Variants in TCTN3 observed in about 807,000 individuals in gnomAD.
TCTN3 encodes tectonic-3.
TCTN3 carries 57 observed loss-of-function variants against 71.3 expected under a neutral mutation model. That is an observed-to-expected ratio of 0.80 (90% CI 0.65 to 1.00). The LOEUF is 1.00. TCTN3 is among the 50% of genes least tolerant of loss of function. The pLI is 0.00. For synonymous variants in TCTN3, 258 were observed against 267.8 expected, an observed-to-expected ratio of 0.96 and a Z score of 0.36; for missense variants, 696 against 719.9, an observed-to-expected ratio of 0.97 and a Z score of 0.38.
chr10:95,677,483 G>GTTTTTTTTTTTT (rs1223582407), intron 13 of TCTN3, among the ~76,000 whole-genome samples: 7 of 62,014 alleles, frequency 1.1e-4, no homozygotes, highest in East Asian at 2.6e-4. Context: ...AGTTTTTTTT[G>GTTTTTTTTTTTT]TTTTTTTTTT....
At position 95,687,116 on chromosome 10, in the gene TCTN3, C is replaced by G. The variant is rs757700628; in HGVS notation, c.780G>C (p.Lys260Asn). ...SKSTTCTRFF[K>N]NLASSCTLDS... ...CCAAGGTACAGCTACTAGCCAGGTT[C>G]TTGAAAAAACGAGTGCAAGTTGTAC... is the stretch of plus-strand genomic sequence containing the variant. The change falls in exon 6 of 14, where the codon AAG becomes AAC. Residue 260 changes from lysine (K) to asparagine (N), a missense_variant. Lys to Asn is a moderately conservative substitution (Grantham distance 94, BLOSUM62 0). Coordinates refer to ENST00000371217, the MANE Select transcript of TCTN3 (RefSeq NM_015631.6). 2.4e-5 allele frequency: 39 copies of G among 1,613,960 alleles called. No homozygotes were observed. The South Asian group carries it at 4.0e-4, about 16-fold the overall frequency.
chr10:95,686,410 A>C, intron 7 of TCTN3, 85 bp downstream of exon 7: 1 of 1,385,282 alleles, frequency 7.2e-7, no homozygotes, highest in Non-Finnish European at 1.0e-6. Context: ...TTTATCTTTC[A>C]ACAGTACAAC....
In TCTN3 at chr10:95,687,085, C is replaced by T. The variant is rs2097949049; in HGVS notation, c.811G>A (p.Ala271Thr). The change falls in exon 6 of 14, where the codon GCC (alanine) becomes ACC (threonine). Residue 271 changes from alanine to threonine, a missense_variant. Physicochemically the swap from Ala to Thr is moderately conservative, Grantham distance 58. Transcript: ENST00000371217. ...TTATAGTAAGAGGCAGCATTGAGGG[C>T]TGAATCCAAGGTACAGCTACTAGCC... ...NLASSCTLDS[A>T]LNAASYYNFT... The T allele has an allele frequency of 1.9e-6, 3 of 1,614,068 alleles. No homozygotes were observed. Among genetic ancestry groups the T allele is most frequent in the Non-Finnish European group, 2.5e-6 (3 of 1,180,038 alleles).
At chr10:95,675,871 T>C (rs187581287) in intron 13 of TCTN3, among the ~76,000 whole-genome samples, 144 of 152,372 alleles carry the variant, frequency 9.5e-4, no homozygotes, top group Non-Finnish European at 1.6e-3. Flanking sequence ...TACAAGATTG[T>C]GGCAGAGGTT....
chr10:95,682,197 A>G (rs1023070932), intron 12 of TCTN3, among the ~76,000 whole-genome samples: 6 of 141,600 alleles, frequency 4.2e-5, no homozygotes, highest in East Asian at 2.0e-4. Context: ...CTTGACTTAG[A>G]AAAAAAAAAA....
At chr10:95,683,763 T>C (rs1589615180) in intron 9 of TCTN3, 134 bp from the exon 10 acceptor site, 1 of 643,036 alleles carries the variant, frequency 1.6e-6, no homozygotes, top group East Asian at 2.8e-5. Context: ...TCTGGCTTCT[T>C]TCCACAGTGT....
In TCTN3 at chr10:95,685,764, G is replaced by T. The variant is rs2097947699; in HGVS notation, c.889-128C>A. ...ACCACCCTCTCTCTCTCTTCTTCCA[G>T]TGCCAGCCAACAACTTAAATTCAAG... On this transcript the variant is annotated intron_variant, in intron 7 of 13. Transcript: ENST00000371217. 19 of 666,586 alleles carry T rather than the reference G, an allele frequency of 2.9e-5. 3 individuals carry two copies. In the South Asian group the frequency reaches 3.6e-4, roughly 13 times the overall value. The allele number at this position is 666,586 out of a possible 1,614,324, so 41.3% of individuals were successfully genotyped here. A position where few individuals can be genotyped will look rare whatever the true frequency, so the allele number is the denominator to read the frequency against.
In TCTN3 at chr10:95,680,589, G is replaced by A. The variant is rs558867321; in HGVS notation, c.1473C>T (p.Cys491=). ...TCTCCAGGGAAACTGGTATGAGACA[G>A]CAGGAAGTACAGTTTATAGCCTGCA... is the stretch of plus-strand genomic sequence containing the variant. The part of the protein sequence containing the change: ...CSISAINCTS[C]CLIPVSLEIQ... The change falls in exon 13 of 14, where the codon TGC becomes TGT. Residue 491 remains cysteine, a synonymous_variant. Coordinates refer to ENST00000371217, the MANE Select transcript of TCTN3 (RefSeq NM_015631.6). 2.2e-5 allele frequency: 35 copies of A among 1,614,012 alleles called. No homozygotes were observed. The South Asian group carries it at 3.5e-4, about 16-fold the overall frequency.
At chr10:95,666,325 A>G (rs1566063681) in intron 13 of TCTN3, among the ~76,000 whole-genome samples, 1 of 151,774 alleles carries the variant, frequency 6.6e-6, no homozygotes, top group Non-Finnish European at 1.5e-5. Flanking sequence ...AAAGAACCAC[A>G]TACATTACAA....
intron 13 of TCTN3, among the ~76,000 whole-genome samples, chr10:95,667,998 A>G (rs1192714845): frequency 6.6e-6 from 1 of 152,226 alleles, no homozygotes; most frequent in African/African-American, 2.4e-5. Flanking sequence ...GAGGAAACAC[A>G]GACAATGAAA....
Position 95,685,549 on chromosome 10 carries a change from T to C in TCTN3, c.969+7A>G, listed in dbSNP as rs1171121774. The C allele has an allele frequency of 3.2e-6, 5 of 1,548,864 alleles. No homozygotes were observed. The highest frequency in any genetic ancestry group is 4.4e-6 in the Non-Finnish European group (5 of 1,144,714). On this transcript the variant is annotated splice_region_variant and intron_variant, in intron 8 of 13. Coordinates refer to ENST00000371217, the MANE Select transcript of TCTN3 (RefSeq NM_015631.6). ...ATCAGTCCAGAATCTGAGGTCAGTA[T>C]CCCTACCTGAGAAACTACATTCTGA...
intron 13 of TCTN3, among the ~76,000 whole-genome samples, chr10:95,673,547 AG>A (rs2097933806): frequency 6.6e-6 from 1 of 152,142 alleles, no homozygotes; most frequent in Non-Finnish European, 1.5e-5. Flanking sequence ...TTAAAAAAAA[AG>A]AAACTTTTTT....
chr10:95,693,717 A>G lies in TCTN3; in HGVS notation c.183T>C (p.Pro61=). The stretch of plus-strand genomic sequence containing the variant: ...GAGTAGGGACCACTGTAGGGAGTCC[A>G]GGCACGGCCGGGCGAGTTGCAGTCG... The part of the protein sequence containing the change: ...SEATATRPAV[P]GLPTVVPTLV... Residue 61 remains proline, a synonymous_variant, in exon 1 of 14, where the codon CCT becomes CCC. Transcript: ENST00000371217. 1 of 1,551,702 alleles carries G rather than the reference A, an allele frequency of 6.4e-7. No individual in the cohort carries two copies. Among genetic ancestry groups the G allele is most frequent in the Non-Finnish European group, 8.7e-7 (1 of 1,146,986 alleles).
At chr10:95,686,976 C>CA in intron 6 of TCTN3, 68 bp downstream of exon 6, 2 of 1,378,526 alleles carry the variant, frequency 1.5e-6, no homozygotes, top group Non-Finnish European at 2.1e-6. Context: ...CCACAACCCA[C>CA]AACAGTGAGA....
intron 13 of TCTN3, among the ~76,000 whole-genome samples, chr10:95,671,379 A>G (rs1039005244): frequency 6.6e-6 from 1 of 152,228 alleles, no homozygotes; most frequent in African/African-American, 2.4e-5. Flanking sequence ...AATTCAATTT[A>G]CAGTACAATA....
chr10:95,683,232 A>C, intron 10 of TCTN3, 37 bp from the exon 11 acceptor site: 1 of 1,581,164 alleles, frequency 6.3e-7, no homozygotes, highest in Non-Finnish European at 8.6e-7. Context: ...ACATCATAAC[A>C]GAAAAAAAAA....
chr10:95,684,757 C>T, intron 8 of TCTN3, 133 bp from the exon 9 acceptor site: 1 of 923,916 alleles, frequency 1.1e-6, no homozygotes. Context: ...TTAAAAATGC[C>T]AAACACAAAT....
intron 7 of TCTN3, 61 bp downstream of exon 7, chr10:95,686,434 G>T: frequency 7.2e-6 from 11 of 1,528,274 alleles, no homozygotes; most frequent in Non-Finnish European, 1.0e-5. Context: ...GACTAAAATT[G>T]CCTCAGATGC....
chr10:95,684,772 T>A (rs1000457077), intron 8 of TCTN3, 148 bp from the exon 9 acceptor site: 7 of 832,058 alleles, frequency 8.4e-6, no homozygotes, highest in Non-Finnish European at 1.2e-5. Context: ...ACAAATACTA[T>A]GAAAGATAAA....
Sources: allele counts gnomAD v4.1 joint callset (sites outside exome capture counted in the v4.1 genomes callset), GRCh38; gene constraint gnomAD v4.1.1; transcripts MANE v1.5; gene names NCBI Gene and HGNC (gene_info 2026-07-23, HGNC 2026-07-21).